Variants in FEZ2 observed in about 807,000 individuals in gnomAD.
FEZ2 encodes fasciculation and elongation protein zeta-2.
Under a neutral mutation model 40.4 loss-of-function variants are expected in FEZ2, and 51 were observed. The ratio of observed to expected loss-of-function variants is 1.26; its 90% confidence interval spans 1.01 to 1.59. FEZ2 has a LOEUF of 1.59. FEZ2 is among the 40% of genes most tolerant of loss of function. The probability of loss-of-function intolerance (pLI) is 0.00; values close to 1 mark genes in which losing one functional copy is unlikely to be tolerated. For synonymous variants in FEZ2, 242 were observed against 172.0 expected, an observed-to-expected ratio of 1.41 and a Z score of -3.18; for missense variants, 640 against 438.3, an observed-to-expected ratio of 1.46 and a Z score of -4.11.
At chr2:36,580,252 T>C (rs1193368215) in intron 4 of FEZ2, among the ~76,000 whole-genome samples, 4 of 152,226 alleles carry the variant, frequency 2.6e-5, no homozygotes, top group Non-Finnish European at 5.9e-5. Context: ...GTTTAGCCCA[T>C]ACCTACAGGA....
chr2:36,590,561 G>A (rs898717606), intron 2 of FEZ2: 5 of 183,516 alleles, frequency 2.7e-5, no homozygotes, highest in Admixed American at 6.1e-5. Context: ...CCAGCTACTC[G>A]GGAGTTTGAG....
chr2:36,571,594 G>T (rs115696505), intron 5 of FEZ2, among the ~76,000 whole-genome samples: 2,999 of 152,116 alleles, frequency 0.02, 50 homozygotes, highest in Non-Finnish European at 0.028. Context: ...GGTAGAGGCT[G>T]CAGTGGGCCC....
chr2:36,597,748 G>T, intron 1 of FEZ2, 129 bp downstream of exon 1: 1 of 641,866 alleles, frequency 1.6e-6, no homozygotes, highest in Non-Finnish European at 2.3e-6. Flanking sequence ...GAGGAAGGAG[G>T]CGAGAGGGCG....
At chr2:36,595,880 G>C (rs977857141) in intron 1 of FEZ2, among the ~76,000 whole-genome samples, 2 of 152,056 alleles carry the variant, frequency 1.3e-5, no homozygotes, top group African/African-American at 4.8e-5. Flanking sequence ...TTAAGCAAAG[G>C]CTAAAATAAC....
At chr2:36,555,575 TG>T in intron 7 of FEZ2, 107 bp downstream of exon 7, 1 of 551,398 alleles carries the variant, frequency 1.8e-6, no homozygotes, top group Non-Finnish European at 3.2e-6. Flanking sequence ...ATAAGATTAA[TG>T]AAAGTTGTGC....
At chr2:36,594,467 TC>T in intron 1 of FEZ2, 1 of 204,864 alleles carries the variant, frequency 4.9e-6, no homozygotes, top group South Asian at 9.9e-5. Context: ...AAAAGGCACT[TC>T]TTACATGGCG....
At chr2:36,574,837 C>CAG (rs1668515813) in intron 5 of FEZ2, among the ~76,000 whole-genome samples, 1 of 152,126 alleles carries the variant, frequency 6.6e-6, no homozygotes, top group African/African-American at 2.4e-5. Context: ...TCTGCTCCTC[C>CAG]AGATGCTGCA....
chr2:36,562,387 G>A (rs1031301400), intron 5 of FEZ2, among the ~76,000 whole-genome samples: 3 of 152,206 alleles, frequency 2.0e-5, no homozygotes, highest in African/African-American at 7.2e-5. Context: ...CTGAATCACT[G>A]AGGGAGCTAT....
At position 36,597,997 on chromosome 2, in the gene FEZ2, G is replaced by T. The variant is rs1383970142; in HGVS notation, c.146C>A (p.Ala49Asp). The T allele has an allele frequency of 5.4e-6, 8 of 1,493,820 alleles. No homozygotes were observed. The highest frequency in any genetic ancestry group is 7.1e-6 in the Non-Finnish European group (8 of 1,127,502). The allele number at this position is 1,493,820 out of a possible 1,614,324, so 92.5% of individuals were successfully genotyped here. A position where few individuals can be genotyped will look rare whatever the true frequency, so the allele number is the denominator to read the frequency against. ...EAGGGADGFP[A>D]PACSLEEKLS... Reference sequence around the variant, plus strand: ...CTTCTCCTCCAAGCTGCAGGCCGGGGCCGGGAAACCGTCGGCGCCCCCACC... The same window carrying T: ...CTTCTCCTCCAAGCTGCAGGCCGGGTCCGGGAAACCGTCGGCGCCCCCACC... The change falls in exon 1 of 8, where the codon GCC becomes GAC. Residue 49 changes from alanine (A) to aspartate (D), a missense_variant. By Grantham distance (126) the Ala-to-Asp change is moderately radical. Coordinates refer to ENST00000405912, the MANE Select transcript of FEZ2 (RefSeq NM_005102.3).
intron 5 of FEZ2, among the ~76,000 whole-genome samples, chr2:36,560,239 AAAT>A (rs1668057403): frequency 6.6e-6 from 1 of 152,230 alleles, no homozygotes; most frequent in Non-Finnish European, 1.5e-5. Flanking sequence ...AATTTTGTAT[AAAT>A]AATGTCGCAT....
intron 3 of FEZ2, among the ~76,000 whole-genome samples, chr2:36,582,912 C>T (rs1263733598): frequency 1.3e-5 from 2 of 152,168 alleles, no homozygotes; most frequent in African/African-American, 2.4e-5. Context: ...GCGCATTCCA[C>T]GGGAATAATG....
chr2:36,575,707 G>T (rs567998727), intron 5 of FEZ2, among the ~76,000 whole-genome samples: 16 of 151,852 alleles, frequency 1.1e-4, no homozygotes, highest in Admixed American at 3.9e-4. Context: ...GCATCCCTAT[G>T]CCCTCTATTT....
intron 1 of FEZ2, among the ~76,000 whole-genome samples, chr2:36,593,396 A>G (rs1166324409): frequency 6.6e-6 from 1 of 152,066 alleles, no homozygotes; most frequent in Non-Finnish European, 1.5e-5. Context: ...GAGGTTCTCC[A>G]TGAGGGCCCT....
chr2:36,565,631 AGCTAG>A, intron 5 of FEZ2, among the ~76,000 whole-genome samples: 1 of 152,226 alleles, frequency 6.6e-6, no homozygotes, highest in South Asian at 2.1e-4. Context: ...CCCTAAACCT[AGCTAG>A]GGGCAATAGT....
chr2:36,557,269 G>A (rs1667982233), intron 6 of FEZ2: 1 of 151,998 alleles, frequency 6.6e-6, no homozygotes, highest in South Asian at 2.1e-4. Flanking sequence ...TATAACTTAA[G>A]TTCTTCCTGA....
chr2:36,596,045 G>A (rs2148354756), intron 1 of FEZ2, among the ~76,000 whole-genome samples: 1 of 152,292 alleles, frequency 6.6e-6, no homozygotes, highest in African/African-American at 2.4e-5. Flanking sequence ...TAGTGATTCA[G>A]AGTATCTAAA....
At chr2:36,568,064 T>C (rs1257154122) in intron 5 of FEZ2, among the ~76,000 whole-genome samples, 1 of 152,168 alleles carries the variant, frequency 6.6e-6, no homozygotes, top group Non-Finnish European at 1.5e-5. Context: ...TTTACAACCT[T>C]GAGAGCAGAT....
At chr2:36,580,837 A>G (rs955245915) in intron 4 of FEZ2, among the ~76,000 whole-genome samples, 2 of 152,202 alleles carry the variant, frequency 1.3e-5, no homozygotes, top group Non-Finnish European at 2.9e-5. Context: ...ACCCTAATCC[A>G]ATATGATTGC....
chr2:36,591,115 G>A, intron 1 of FEZ2, 104 bp from the exon 2 acceptor site: 2 of 723,718 alleles, frequency 2.8e-6, no homozygotes, highest in East Asian at 2.7e-5. Flanking sequence ...AGGAAACAGA[G>A]AAAAACAGAC....
Sources: allele counts gnomAD v4.1 joint callset (sites outside exome capture counted in the v4.1 genomes callset), GRCh38; gene constraint gnomAD v4.1.1; transcripts MANE v1.5; gene names NCBI Gene and HGNC (gene_info 2026-07-23, HGNC 2026-07-21).